The following TNRC6B variants were observed in gnomAD, a reference collection of about 807,000 sequenced individuals.
TNRC6B encodes trinucleotide repeat containing adaptor 6B, also known as trinucleotide repeat-containing gene 6B protein.
A neutral mutation model predicts 203.6 loss-of-function variants in TNRC6B; 52 were observed. That is an observed-to-expected ratio of 0.26 (90% CI 0.20 to 0.32). TNRC6B has a LOEUF of 0.32. Ranked by LOEUF, TNRC6B falls within the 10% of genes least tolerant of loss-of-function variation. The pLI is 1.00. For missense variants in TNRC6B, 1,923 were observed against 2,286.2 expected, an observed-to-expected ratio of 0.84 and a Z score of 3.24; for synonymous variants, 838 against 845.7, an observed-to-expected ratio of 0.99 and a Z score of 0.16.
chr22:40,170,907 G>A (rs1174301769), intron 4 of TNRC6B, among the ~76,000 whole-genome samples: 18 of 138,230 alleles, frequency 1.3e-4, no homozygotes, highest in Admixed American at 4.5e-4. Context: ...CTATATATGT[G>A]CATATATGTG....
chr22:40,055,129 G>C (rs1222930909), intron 1 of TNRC6B, among the ~76,000 whole-genome samples: 1 of 152,186 alleles, frequency 6.6e-6, no homozygotes, highest in Non-Finnish European at 1.5e-5. Context: ...TGTGCTAGGA[G>C]CCAGGACTAC....
intron 1 of TNRC6B, among the ~76,000 whole-genome samples, chr22:40,188,030 G>A (rs1351137757): frequency 6.6e-6 from 1 of 152,080 alleles, no homozygotes; most frequent in Non-Finnish European, 1.5e-5. Flanking sequence ...GACCAGCCTG[G>A]CCAACATGGT....
At chr22:40,129,438 T>C (rs2068522307) in intron 3 of TNRC6B, among the ~76,000 whole-genome samples, 1 of 152,256 alleles carries the variant, frequency 6.6e-6, no homozygotes, top group Non-Finnish European at 1.5e-5. Context: ...ACTACATTCA[T>C]GGGTGTTACT....
chr22:40,168,642 T>C (rs562438632), intron 4 of TNRC6B, among the ~76,000 whole-genome samples: 1 of 152,362 alleles, frequency 6.6e-6, no homozygotes, highest in African/African-American at 2.4e-5. Context: ...TAACATAGTT[T>C]TGGCTATTAT....
At chr22:40,144,378 T>TA in intron 3 of TNRC6B, among the ~76,000 whole-genome samples, 1 of 152,112 alleles carries the variant, frequency 6.6e-6, no homozygotes, top group Non-Finnish European at 1.5e-5. Flanking sequence ...CTACTAAGTT[T>TA]AAAAATTGAA....
chr22:40,056,825 T>C (rs1601788466), intron 1 of TNRC6B, among the ~76,000 whole-genome samples: 1 of 141,976 alleles, frequency 7.0e-6, no homozygotes, highest in South Asian at 2.2e-4. Flanking sequence ...GAAAGAAAAA[T>C]CTATAATCTA....
intron 16 of TNRC6B, among the ~76,000 whole-genome samples, chr22:40,309,126 A>C (rs1032533057): frequency 1.3e-5 from 2 of 152,264 alleles, no homozygotes; most frequent in Non-Finnish European, 2.9e-5. Flanking sequence ...TGTGAATTAG[A>C]GTGTCTGCAA....
At chr22:40,166,339 A>G (rs1449212426) in intron 4 of TNRC6B, among the ~76,000 whole-genome samples, 1 of 152,186 alleles carries the variant, frequency 6.6e-6, no homozygotes, top group African/African-American at 2.4e-5. Flanking sequence ...ATACCACAAA[A>G]TTCAGAAAAA....
At chr22:40,135,497 G>A (rs2068592078) in intron 3 of TNRC6B, among the ~76,000 whole-genome samples, 1 of 152,024 alleles carries the variant, frequency 6.6e-6, no homozygotes, top group African/African-American at 2.4e-5. Flanking sequence ...CCTTGAAGTA[G>A]CAAATTTTTT....
chr22:40,257,452 C>T (rs2070297673), intron 3 of TNRC6B, among the ~76,000 whole-genome samples: 1 of 152,210 alleles, frequency 6.6e-6, no homozygotes, highest in Non-Finnish European at 1.5e-5. Context: ...CACGGTAGCT[C>T]ATGCCTTTTA....
intron 2 of TNRC6B, among the ~76,000 whole-genome samples, chr22:40,117,360 C>G (rs1000736307): frequency 3.3e-5 from 5 of 152,154 alleles, no homozygotes; most frequent in African/African-American, 1.2e-4. Context: ...AAAGCTACAA[C>G]TTAGTTATTA....
chr22:40,157,387 G>T (rs1393685932), intron 4 of TNRC6B, among the ~76,000 whole-genome samples: 1 of 151,886 alleles, frequency 6.6e-6, no homozygotes, highest in African/African-American at 2.4e-5. Context: ...ATTTTGGTCT[G>T]TCTTAAGAAA....
At chr22:40,091,012 C>CA (rs2068146168) in intron 1 of TNRC6B, among the ~76,000 whole-genome samples, 1 of 152,152 alleles carries the variant, frequency 6.6e-6, no homozygotes, top group Non-Finnish European at 1.5e-5. Context: ...GACGGAGTCT[C>CA]ACTCTCTCGC....
intron 1 of TNRC6B, among the ~76,000 whole-genome samples, chr22:40,090,457 T>G (rs1040780584): frequency 2.0e-5 from 3 of 152,070 alleles, no homozygotes; most frequent in Non-Finnish European, 4.4e-5. Flanking sequence ...TGAGTATCTT[T>G]TCGTATCCTT....
chr22:40,203,798 C>A (rs1361014256), intron 1 of TNRC6B, among the ~76,000 whole-genome samples: 2 of 152,220 alleles, frequency 1.3e-5, no homozygotes, highest in African/African-American at 4.8e-5. Context: ...AATATTCTAG[C>A]CCCATCTTTC....
chr22:40,109,100 G>A (rs549790840), intron 1 of TNRC6B, among the ~76,000 whole-genome samples: 20 of 152,222 alleles, frequency 1.3e-4, no homozygotes, highest in South Asian at 2.1e-4. Context: ...GTGTTCCTGC[G>A]AAGCACATGA....
chr22:40,245,406 T>G (rs560023672), intron 1 of TNRC6B, among the ~76,000 whole-genome samples: 1 of 152,148 alleles, frequency 6.6e-6, no homozygotes, highest in South Asian at 2.1e-4. Flanking sequence ...TACATTGATT[T>G]ATAGGACACT....
chr22:40,090,277 A>C (rs1490787824), intron 1 of TNRC6B, among the ~76,000 whole-genome samples: 1 of 152,192 alleles, frequency 6.6e-6, no homozygotes, highest in African/African-American at 2.4e-5. Context: ...CAAAGTGGCC[A>C]TACGGTTTTG....
intron 3 of TNRC6B, among the ~76,000 whole-genome samples, chr22:40,254,968 G>A (rs2070248522): frequency 6.6e-6 from 1 of 152,178 alleles, no homozygotes; most frequent in Admixed American, 6.5e-5. Flanking sequence ...ACCACACTAT[G>A]AAAAGGAACA....
Sources: gnomAD v4.1 joint callset for allele counts (sites outside exome capture counted in the v4.1 genomes callset) on GRCh38, gnomAD v4.1.1 for gene constraint, MANE v1.5 for transcripts, NCBI Gene and HGNC (gene_info 2026-07-23, HGNC 2026-07-21) for gene names.